The following GRIK4 variants were observed in gnomAD, a reference collection of about 807,000 sequenced individuals.
The protein encoded by GRIK4 is glutamate receptor ionotropic, kainate 4.
A neutral mutation model predicts 104.9 loss-of-function variants in GRIK4; 40 were observed. The observed-to-expected ratio is 0.38, with a 90% CI of 0.30 to 0.50. The LOEUF (loss-of-function observed/expected upper bound fraction) is 0.50, where lower values mean the gene tolerates loss of function less well. Among genes scored for constraint, GRIK4 ranks in the 20% least tolerant of loss-of-function variants. GRIK4 has a pLI of 0.93. For synonymous variants in GRIK4, 485 were observed against 524.9 expected (o/e 0.92, Z 1.04); for missense variants, 1,047 against 1,308.1 (o/e 0.80, Z 3.08).
chr11:120,866,289 C>T (rs573734970), intron 9 of GRIK4, among the ~76,000 whole-genome samples: 33 of 152,262 alleles, frequency 2.2e-4, no homozygotes, highest in Admixed American at 1.1e-3. Flanking sequence ...CTCATGGAAG[C>T]GGAGGAAAGC....
At chr11:120,946,061 A>C (rs1943851879) in intron 14 of GRIK4, among the ~76,000 whole-genome samples, 1 of 152,230 alleles carries the variant, frequency 6.6e-6, no homozygotes, top group Non-Finnish European at 1.5e-5. Flanking sequence ...TTCTGCAGTC[A>C]AGGGTTTTAT....
chr11:120,627,443 C>T (rs569760307), intron 1 of GRIK4, among the ~76,000 whole-genome samples: 1 of 152,306 alleles, frequency 6.6e-6, no homozygotes, highest in South Asian at 2.1e-4. Flanking sequence ...TCCCCAGAGT[C>T]TCTGCGTGCC....
intron 3 of GRIK4, among the ~76,000 whole-genome samples, chr11:120,736,500 C>T (rs1951224572): frequency 6.6e-6 from 1 of 152,142 alleles, no homozygotes; most frequent in African/African-American, 2.4e-5. Context: ...TAGCCTAAGA[C>T]ATTTTACACT....
intron 6 of GRIK4, among the ~76,000 whole-genome samples, chr11:120,829,414 G>A (rs906523893): frequency 6.6e-6 from 1 of 152,124 alleles, no homozygotes; most frequent in African/African-American, 2.4e-5. Flanking sequence ...CAAACAAAAC[G>A]GGGATGTGAT....
intron 6 of GRIK4, among the ~76,000 whole-genome samples, chr11:120,824,217 A>G (rs79446094): frequency 0.049 from 7,513 of 152,302 alleles, 202 homozygotes; most frequent in Middle Eastern, 0.092. Flanking sequence ...ATTGTATATT[A>G]CATTATTTTT....
chr11:120,723,000 C>T (rs576429575), intron 3 of GRIK4, among the ~76,000 whole-genome samples: 24 of 152,172 alleles, frequency 1.6e-4, no homozygotes, highest in Non-Finnish European at 3.4e-4. Context: ...AATGGTGCTT[C>T]GTAGCAGAAG....
intron 6 of GRIK4, among the ~76,000 whole-genome samples, chr11:120,824,984 G>A (rs1247916019): frequency 6.6e-6 from 1 of 152,084 alleles, no homozygotes; most frequent in African/African-American, 2.4e-5. Context: ...AAGTGCAATG[G>A]TGCGATCTCT....
At chr11:120,730,596 G>A (rs772056465) in intron 3 of GRIK4, among the ~76,000 whole-genome samples, 17 of 151,402 alleles carry the variant, frequency 1.1e-4, no homozygotes, top group East Asian at 5.8e-4. Flanking sequence ...TTCTATTTCC[G>A]TGAAGAATGT....
Position 120,909,353 on chromosome 11 carries a change from A to G in GRIK4, c.1476+3860A>G, listed in dbSNP as rs75754212. On this transcript the variant is annotated intron_variant, in intron 13 of 20. Coordinates refer to ENST00000527524, the MANE Select transcript of GRIK4 (RefSeq NM_014619.5). ...TCAATGCCCCTTTTCTTGTTCAAGA[A>G]GTATATGTTTGCTAGTACAAAGAAT... 8.4e-3 allele frequency among the ~76,000 whole-genome samples: 1,278 copies of G among 152,342 alleles called. 16 individuals are homozygous for G. The highest frequency in any genetic ancestry group is 0.029 in the African/African-American group (1,190 of 41,584).
chr11:120,961,145 A>G, intron 17 of GRIK4, 71 bp downstream of exon 17: 1 of 1,345,574 alleles, frequency 7.4e-7, no homozygotes, highest in Non-Finnish European at 1.1e-6. Flanking sequence ...TCTCTGCTGG[A>G]GATAAAAACA....
At chr11:120,776,850 C>G (rs1031814165) in intron 3 of GRIK4, among the ~76,000 whole-genome samples, 1 of 152,196 alleles carries the variant, frequency 6.6e-6, no homozygotes, top group East Asian at 1.9e-4. Context: ...GCAGGGCAGC[C>G]GGCTCTCCGC....
chr11:120,946,765 T>C (rs943689595), intron 14 of GRIK4, among the ~76,000 whole-genome samples: 4 of 152,196 alleles, frequency 2.6e-5, no homozygotes, highest in African/African-American at 4.8e-5. Flanking sequence ...GCAGGGGGCA[T>C]TGAAACCAGG....
At chr11:120,652,092 G>T (rs192591893) in intron 1 of GRIK4, among the ~76,000 whole-genome samples, 1 of 152,174 alleles carries the variant, frequency 6.6e-6, no homozygotes, top group Non-Finnish European at 1.5e-5. Flanking sequence ...AGGTCTGCAC[G>T]TGGGGAGGAT....
intron 1 of GRIK4, among the ~76,000 whole-genome samples, chr11:120,552,486 C>A: frequency 6.6e-6 from 1 of 152,158 alleles, no homozygotes; most frequent in Admixed American, 6.5e-5. Context: ...AAAAGCATAC[C>A]ATGGCAGCCT....
intron 3 of GRIK4, among the ~76,000 whole-genome samples, chr11:120,749,554 CAG>C (rs1213135443): frequency 2.0e-5 from 3 of 152,206 alleles, no homozygotes; most frequent in African/African-American, 7.2e-5. Flanking sequence ...AGGTGCAAGA[CAG>C]AGCAGAGGAA....
At chr11:120,679,424 C>G (rs957011016) in intron 3 of GRIK4, among the ~76,000 whole-genome samples, 1 of 152,226 alleles carries the variant, frequency 6.6e-6, no homozygotes, top group African/African-American at 2.4e-5. Context: ...CTTGGCTTCT[C>G]TGTTCTTTTC....
intron 13 of GRIK4, among the ~76,000 whole-genome samples, chr11:120,937,689 C>A (rs1379793623): frequency 6.6e-6 from 1 of 152,168 alleles, no homozygotes; most frequent in Non-Finnish European, 1.5e-5. Context: ...GACAGAAATG[C>A]TCTGTCCAGA....
chr11:120,601,153 C>T (rs1480267040), intron 1 of GRIK4, among the ~76,000 whole-genome samples: 2 of 152,028 alleles, frequency 1.3e-5, no homozygotes, highest in Non-Finnish European at 2.9e-5. Context: ...CGTCTGTAAT[C>T]CCAGCACTTT....
At chr11:120,756,227 G>A (rs1471162296) in intron 3 of GRIK4, among the ~76,000 whole-genome samples, 1 of 152,202 alleles carries the variant, frequency 6.6e-6, no homozygotes, top group Non-Finnish European at 1.5e-5. Flanking sequence ...ATTTTCATTT[G>A]TCAGACATGT....
Sources: gnomAD v4.1 joint callset for allele counts (sites outside exome capture counted in the v4.1 genomes callset) on GRCh38, gnomAD v4.1.1 for gene constraint, MANE v1.5 for transcripts, NCBI Gene and HGNC (gene_info 2026-07-23, HGNC 2026-07-21) for gene names.